PALLD: variants seen among roughly 807,000 people sequenced by gnomAD.
PALLD encodes the protein palladin, cytoskeletal associated protein, also known as palladin.
PALLD carries 61 observed loss-of-function variants against 123.5 expected under a neutral mutation model. The ratio of observed to expected loss-of-function variants is 0.49; its 90% CI spans 0.40 to 0.61. The LOEUF is 0.61. Ranked by LOEUF, PALLD falls within the 20% of genes least tolerant of loss-of-function variation. PALLD has a pLI of 0.00. For synonymous variants in PALLD, 465 were observed against 496.4 expected (o/e 0.94, Z 0.84); for missense variants, 1,273 against 1,377.0 (o/e 0.92, Z 1.20).
At chr4:168,885,207 G>A (rs1186547881) in intron 10 of PALLD, 1 of 152,090 alleles carries the variant, frequency 6.6e-6, no homozygotes, top group Non-Finnish European at 1.5e-5. Flanking sequence ...ACTGTTTTCT[G>A]TTTCTTTTTT....
intron 10 of PALLD, among the ~76,000 whole-genome samples, chr4:168,851,557 G>A (rs931783444): frequency 1.3e-5 from 2 of 151,952 alleles, no homozygotes; most frequent in Non-Finnish European, 2.9e-5. Flanking sequence ...TAATAGAGAC[G>A]GGGTTTCACC....
At chr4:168,614,847 C>A (rs750522006) in intron 2 of PALLD, among the ~76,000 whole-genome samples, 1 of 152,178 alleles carries the variant, frequency 6.6e-6, no homozygotes, top group Non-Finnish European at 1.5e-5. Flanking sequence ...TAAACCACAT[C>A]AGTGTGGGAT....
intron 2 of PALLD, among the ~76,000 whole-genome samples, chr4:168,528,438 G>A (rs573496647): frequency 1.6e-4 from 25 of 152,332 alleles, no homozygotes; most frequent in African/African-American, 5.8e-4. Context: ...TTTCTCATTC[G>A]TTCACTCTCT....
chr4:168,687,098 T>C (rs1782139530), intron 6 of PALLD, among the ~76,000 whole-genome samples: 1 of 152,154 alleles, frequency 6.6e-6, no homozygotes, highest in Non-Finnish European at 1.5e-5. Flanking sequence ...TAAAGACAAA[T>C]GTGAAAGCAA....
Position 168,557,545 on chromosome 4 carries a change from G to A in PALLD, c.908+45133G>A, listed in dbSNP as rs72982718. On this transcript the variant is annotated intron_variant, in intron 2 of 21. Coordinates refer to ENST00000505667, the MANE Select transcript of PALLD (RefSeq NM_001166108.2). ...CAGGCATAATCAATATGTTGGACTA[G>A]GACAACTCAAGAAGTAAACAAATCA... is the stretch of plus-strand genomic sequence containing the variant. Among the ~76,000 whole-genome samples, 964 of 152,260 alleles carry A rather than the reference G, an allele frequency of 6.3e-3. 10 individuals carry two copies. Among genetic ancestry groups the A allele is most frequent in the African/African-American group, 0.022 (917 of 41,554 alleles).
intron 10 of PALLD, among the ~76,000 whole-genome samples, chr4:168,875,463 TAA>T (rs1339247083): frequency 3.3e-5 from 5 of 152,280 alleles, no homozygotes; most frequent in Admixed American, 2.0e-4. Context: ...TGCACAGAAA[TAA>T]AGTCAGACAC....
chr4:168,562,615 A>G (rs1767976295), intron 2 of PALLD, among the ~76,000 whole-genome samples: 1 of 152,196 alleles, frequency 6.6e-6, no homozygotes, highest in Non-Finnish European at 1.5e-5. Context: ...TGAGAAAGAA[A>G]TAGTTCAGCT....
intron 2 of PALLD, among the ~76,000 whole-genome samples, chr4:168,612,497 C>A (rs1773836156): frequency 6.6e-6 from 1 of 152,162 alleles, no homozygotes; most frequent in African/African-American, 2.4e-5. Context: ...ATCTGTCCAG[C>A]AGCTGAACAA....
At chr4:168,873,363 C>A (rs1751331909) in intron 10 of PALLD, among the ~76,000 whole-genome samples, 1 of 152,180 alleles carries the variant, frequency 6.6e-6, no homozygotes, top group South Asian at 2.1e-4. Context: ...GTCATACAAT[C>A]AAATATTAAA....
chr4:168,771,146 A>G (rs891587340), intron 10 of PALLD, among the ~76,000 whole-genome samples: 1 of 152,048 alleles, frequency 6.6e-6, no homozygotes, highest in Non-Finnish European at 1.5e-5. Context: ...CAATGTTCTT[A>G]TCTCAAAATA....
rs560240086 is a variant in PALLD, at chr4:168,814,947, T to A, written c.1965-75975T>A. ...CACCATGCCTTGCTAATTTTTGTAT[T>A]TTTAGTAGAGACGGGGTTTCACCAT... On this transcript the variant is annotated intron_variant, in intron 10 of 21. Transcript: ENST00000505667. 1.8e-4 allele frequency among the ~76,000 whole-genome samples: 28 copies of A among 152,248 alleles called. No individual in the cohort carries two copies. The East Asian group carries it at 4.6e-3, about 25-fold the overall frequency.
intron 9 of PALLD, among the ~76,000 whole-genome samples, chr4:168,709,765 G>C (rs1784654176): frequency 6.6e-6 from 1 of 151,916 alleles, no homozygotes. Flanking sequence ...TTAGGGGAGG[G>C]GAGAAGAAGG....
intron 2 of PALLD, among the ~76,000 whole-genome samples, chr4:168,626,937 G>A (rs556979548): frequency 6.6e-5 from 10 of 152,226 alleles, no homozygotes; most frequent in Admixed American, 2.6e-4. Flanking sequence ...GTTGCCAGGG[G>A]CTTGGAGGAA....
chr4:168,840,642 CT>C (rs1363240075), intron 10 of PALLD, among the ~76,000 whole-genome samples: 2 of 151,952 alleles, frequency 1.3e-5, no homozygotes, highest in Non-Finnish European at 2.9e-5. Context: ...GACAGCTCAC[CT>C]AAAAGTTATT....
At chr4:168,550,222 C>T (rs1766588073) in intron 2 of PALLD, among the ~76,000 whole-genome samples, 1 of 152,134 alleles carries the variant, frequency 6.6e-6, no homozygotes, top group Non-Finnish European at 1.5e-5. Flanking sequence ...TTCCTCAGGG[C>T]TAATCCTAAG....
At chr4:168,780,789 G>A (rs531631157) in intron 10 of PALLD, among the ~76,000 whole-genome samples, 3 of 152,254 alleles carry the variant, frequency 2.0e-5, no homozygotes, top group African/African-American at 7.2e-5. Flanking sequence ...CCAGGTTCTA[G>A]CGATTCTCCT....
intron 8 of PALLD, among the ~76,000 whole-genome samples, chr4:168,693,410 C>A (rs951013023): frequency 1.3e-5 from 2 of 152,172 alleles, no homozygotes; most frequent in Admixed American, 1.3e-4. Flanking sequence ...CATGGAATCA[C>A]CTGACCTCTA....
chr4:168,829,080 G>A (rs553504244), intron 10 of PALLD: 1 of 152,344 alleles, frequency 6.6e-6, no homozygotes, highest in African/African-American at 2.4e-5. Context: ...ACTGATACTA[G>A]TTTTAGCAAT....
At chr4:168,622,742 A>G (rs1024165436) in intron 2 of PALLD, among the ~76,000 whole-genome samples, 1 of 152,196 alleles carries the variant, frequency 6.6e-6, no homozygotes, top group African/African-American at 2.4e-5. Context: ...CAATCTCCTG[A>G]CAGATCATAC....
Sources: allele counts gnomAD v4.1 joint callset (sites outside exome capture counted in the v4.1 genomes callset), GRCh38; gene constraint gnomAD v4.1.1; transcripts MANE v1.5; gene names NCBI Gene and HGNC (gene_info 2026-07-23, HGNC 2026-07-21).